The following PKP4 variants were observed in gnomAD, a reference collection of about 807,000 sequenced individuals.
The protein encoded by PKP4 is plakophilin-4.
In PKP4, 90 loss-of-function variants were observed where a neutral mutation model predicts 145.1. The observed-to-expected ratio is 0.62, with a 90% CI of 0.52 to 0.74. The LOEUF (loss-of-function observed/expected upper bound fraction) is 0.74. Ranked by LOEUF, PKP4 falls within the 30% of genes least tolerant of loss-of-function variation. The probability of loss-of-function intolerance (pLI) is 0.00; values close to 1 mark genes in which losing one functional copy is unlikely to be tolerated. For synonymous variants in PKP4, 563 were observed against 577.2 expected, an observed-to-expected ratio of 0.98 and a Z score of 0.35; for missense variants, 1,340 against 1,482.7, an observed-to-expected ratio of 0.90 and a Z score of 1.58.
At chr2:158,550,676 C>G (rs1251972079) in intron 2 of PKP4, among the ~76,000 whole-genome samples, 8 of 152,166 alleles carry the variant, frequency 5.3e-5, no homozygotes, top group African/African-American at 1.7e-4. Context: ...ATGGAGAATT[C>G]CTGCAATTCT....
intron 3 of PKP4, among the ~76,000 whole-genome samples, chr2:158,595,925 A>G (rs1322995832): frequency 6.6e-6 from 1 of 152,202 alleles, no homozygotes; most frequent in African/African-American, 2.4e-5. Context: ...TTCTGGAATA[A>G]TTCTTTAAAA....
At chr2:158,612,849 A>G (rs1157279360) in intron 4 of PKP4, among the ~76,000 whole-genome samples, 1 of 152,158 alleles carries the variant, frequency 6.6e-6, no homozygotes, top group Non-Finnish European at 1.5e-5. Flanking sequence ...ACTCGTTCTC[A>G]TGGAGATTGG....
In PKP4 at chr2:158,610,046, T is replaced by TTA. The variant is rs537341961; in HGVS notation, c.280+6942_280+6943insTA. Among the ~76,000 whole-genome samples, 8 of 152,356 alleles carry TTA rather than the reference T, an allele frequency of 5.3e-5. No individual in the cohort carries two copies. In the South Asian group the frequency reaches 1.7e-3, roughly 32 times the overall value. On this transcript the variant is annotated intron_variant, in intron 4 of 21. Transcript: ENST00000389759. ...TTTTGGAGCATTTATGCTTTATTATTATCTTGACTTTTGCCCTTTCTCTTC... is the reference window on the plus strand; with the variant it reads ...TTTTGGAGCATTTATGCTTTATTATTTAATCTTGACTTTTGCCCTTTCTCTTC...
At position 158,631,841 on chromosome 2, in the gene PKP4, A is replaced by G. The variant is rs767909209; in HGVS notation, c.1242A>G (p.Ile414Met). Reference protein sequence around the residue: ...AVSPDLHITPIYEGRTYYSPV... With the variant: ...AVSPDLHITPMYEGRTYYSPV... ...CTCCCGACTTGCACATTACTCCTATATATGAGGGGAGGACCTATTACAGCC... is the reference window on the plus strand; with the variant it reads ...CTCCCGACTTGCACATTACTCCTATGTATGAGGGGAGGACCTATTACAGCC... The change falls in exon 8 of 22, where the codon ATA becomes ATG. Residue 414 changes from isoleucine (I) to methionine (M), a missense_variant. Ile to Met is a conservative substitution (Grantham distance 10, BLOSUM62 1). Coordinates refer to ENST00000389759, the MANE Select transcript of PKP4 (RefSeq NM_003628.6). The G allele has an allele frequency of 1.1e-5, 18 of 1,614,098 alleles. No individual in the cohort carries two copies. The highest frequency in any genetic ancestry group is 2.2e-5 in the South Asian group (2 of 91,072).
chr2:158,495,503 A>G (rs79241623), intron 1 of PKP4, among the ~76,000 whole-genome samples: 228 of 152,222 alleles, frequency 1.5e-3, no homozygotes, highest in African/African-American at 5.2e-3. Flanking sequence ...ACATCAGACA[A>G]TGAATTTTTT....
At chr2:158,490,422 G>A (rs952384527) in intron 1 of PKP4, among the ~76,000 whole-genome samples, 7 of 151,614 alleles carry the variant, frequency 4.6e-5, no homozygotes, top group African/African-American at 1.5e-4. Flanking sequence ...ATTTTAGGGG[G>A]TTAAAAGATG....
chr2:158,666,078 C>A (rs1025074853), intron 15 of PKP4: 3 of 164,714 alleles, frequency 1.8e-5, no homozygotes, highest in African/African-American at 7.2e-5. Context: ...TGGCAGGGGA[C>A]CAACTGCAAA....
chr2:158,537,954 C>G (rs1371738483), intron 2 of PKP4, among the ~76,000 whole-genome samples: 5 of 152,094 alleles, frequency 3.3e-5, no homozygotes, highest in Admixed American at 1.3e-4. Flanking sequence ...GAGGTCAAGG[C>G]TGCAGTAAGC....
At chr2:158,501,886 C>G (rs1696637565) in intron 1 of PKP4, among the ~76,000 whole-genome samples, 1 of 152,086 alleles carries the variant, frequency 6.6e-6, no homozygotes, top group Non-Finnish European at 1.5e-5. Flanking sequence ...CTTTTCAGTC[C>G]TTGGTATCAT....
At chr2:158,508,168 C>G (rs1451213252) in intron 1 of PKP4, among the ~76,000 whole-genome samples, 1 of 150,946 alleles carries the variant, frequency 6.6e-6, no homozygotes, top group African/African-American at 2.4e-5. Context: ...ACCAGCCTGG[C>G]CAACATGGTG....
intron 4 of PKP4, among the ~76,000 whole-genome samples, chr2:158,604,673 G>A (rs766729158): frequency 1.7e-4 from 26 of 152,242 alleles, no homozygotes; most frequent in Non-Finnish European, 3.1e-4. Flanking sequence ...GCCAGTTTCG[G>A]TGGGGGTGCT....
intron 2 of PKP4, among the ~76,000 whole-genome samples, chr2:158,559,499 C>T (rs766830677): frequency 6.6e-6 from 1 of 152,038 alleles, no homozygotes; most frequent in African/African-American, 2.4e-5. Flanking sequence ...TCAAGCCCTA[C>T]GCAGGAACCC....
intron 2 of PKP4, among the ~76,000 whole-genome samples, chr2:158,563,808 T>C (rs943007340): frequency 1.3e-5 from 2 of 152,172 alleles, no homozygotes; most frequent in African/African-American, 2.4e-5. Flanking sequence ...CAATGCTGTG[T>C]ACTTTCGAAT....
chr2:158,605,940 A>G (rs2050618616), intron 4 of PKP4, among the ~76,000 whole-genome samples: 1 of 152,184 alleles, frequency 6.6e-6, no homozygotes, highest in African/African-American at 2.4e-5. Context: ...GATTTTTTCA[A>G]GGTTCATCCT....
chr2:158,517,516 A>G (rs1485717769), intron 1 of PKP4, among the ~76,000 whole-genome samples: 1 of 152,170 alleles, frequency 6.6e-6, no homozygotes, highest in East Asian at 1.9e-4. Flanking sequence ...ATGGGAGTTC[A>G]GGGTCTTATT....
Position 158,606,948 on chromosome 2 carries a change from C to T in PKP4, c.280+3844C>T, listed in dbSNP as rs1347215322. ...AATCATAAGTATATACGTATTTACCCATATCTCTAGTATCGGACATTCAGA... is the reference window on the plus strand; with the variant it reads ...AATCATAAGTATATACGTATTTACCTATATCTCTAGTATCGGACATTCAGA... On this transcript the variant is annotated intron_variant, in intron 4 of 21. Transcript: ENST00000389759. 4.6e-5 allele frequency among the ~76,000 whole-genome samples: 7 copies of T among 152,060 alleles called. 1 individual carries two copies. The South Asian group carries it at 1.5e-3, about 32-fold the overall frequency.
At chr2:158,545,392 A>G (rs2044924295) in intron 2 of PKP4, among the ~76,000 whole-genome samples, 1 of 152,150 alleles carries the variant, frequency 6.6e-6, no homozygotes, top group Admixed American at 6.6e-5. Context: ...TGAGAAATGA[A>G]TAAATCTGTT....
At chr2:158,528,705 A>T (rs2043220380) in intron 1 of PKP4, among the ~76,000 whole-genome samples, 1 of 151,172 alleles carries the variant, frequency 6.6e-6, no homozygotes, top group Admixed American at 6.6e-5. Flanking sequence ...GGCAAAGAAA[A>T]CATTCATTAA....
At position 158,477,412 on chromosome 2, in the gene PKP4, A is replaced by G. The variant is rs534545111; in HGVS notation, c.-6+20194A>G. ...GAAAAAACAGGAAATGATCTAGCCA[A>G]CTCAGCTGGAGGTGTGCTTTTGACA... On this transcript the variant is annotated intron_variant, in intron 1 of 21. Coordinates refer to ENST00000389759, the MANE Select transcript of PKP4 (RefSeq NM_003628.6). 5.3e-5 allele frequency among the ~76,000 whole-genome samples: 8 copies of G among 152,274 alleles called. No homozygotes were observed. The East Asian group carries it at 9.7e-4, about 18-fold the overall frequency.
Sources: allele counts gnomAD v4.1 joint callset (sites outside exome capture counted in the v4.1 genomes callset), GRCh38; gene constraint gnomAD v4.1.1; transcripts MANE v1.5; gene names NCBI Gene and HGNC (gene_info 2026-07-23, HGNC 2026-07-21).